Variants in GPHN observed in about 807,000 individuals in gnomAD.
The protein encoded by GPHN is gephyrin.
GPHN carries 17 observed loss-of-function variants against 95.5 expected under a neutral mutation model. That is an observed-to-expected ratio of 0.18 (90% confidence interval 0.12 to 0.27). The LOEUF (loss-of-function observed/expected upper bound fraction) is 0.27. Among genes scored for constraint, GPHN ranks in the 10% least tolerant of loss-of-function variants. The pLI is 1.00. For missense variants in GPHN, 660 were observed against 978.1 expected (o/e 0.67, Z 4.34); for synonymous variants, 320 against 322.5 (o/e 0.99, Z 0.08).
the GPHN span, among the ~76,000 whole-genome samples, chr14:67,331,841 A>G: frequency 6.6e-6 from 1 of 152,148 alleles, no homozygotes; most frequent in African/African-American, 2.4e-5. Context: ...TTTTAGCAAA[A>G]ATGTCAGTGT....
the GPHN span, among the ~76,000 whole-genome samples, chr14:67,297,438 TTG>T: frequency 8.5e-5 from 13 of 152,234 alleles, no homozygotes; most frequent in Non-Finnish European, 1.9e-4. Flanking sequence ...CTAGTTTTTT[TTG>T]TGTTTCTCAA....
At chr14:67,630,018 G>C in the GPHN span, among the ~76,000 whole-genome samples, 1 of 152,178 alleles carries the variant, frequency 6.6e-6, no homozygotes, top group African/African-American at 2.4e-5. Flanking sequence ...CTCGTTCTCA[G>C]TGTCTTCCTT....
At chr14:67,428,036 C>T in the GPHN span, among the ~76,000 whole-genome samples, 1 of 152,016 alleles carries the variant, frequency 6.6e-6, no homozygotes, top group Admixed American at 6.5e-5. Context: ...ATTCTCCTGC[C>T]TCAGCCTCCT....
chr14:67,360,244 G>C, the GPHN span: 2 of 399,540 alleles, frequency 5.0e-6, no homozygotes, highest in African/African-American at 2.1e-5. Flanking sequence ...ATTCGTCCTT[G>C]TTCTCGGAGG....
chr14:67,303,435 GT>G, the GPHN span: 2 of 1,050,982 alleles, frequency 1.9e-6, no homozygotes, highest in South Asian at 2.6e-5. Context: ...TTCTGAAATA[GT>G]CCAGTTTAGG....
At chr14:67,198,196 T>C in the GPHN span, 2 of 1,613,650 alleles carry the variant, frequency 1.2e-6, no homozygotes, top group East Asian at 2.2e-5. Context: ...ACCATGAGGA[T>C]CAATAAGCAA....
At chr14:66,621,877 A>C (rs2063321158) in intron 1 of GPHN, among the ~76,000 whole-genome samples, 2 of 152,078 alleles carry the variant, frequency 1.3e-5, no homozygotes, top group African/African-American at 4.8e-5. Flanking sequence ...TTCATTGGCT[A>C]GTAGTGACTG....
At chr14:66,811,314 G>T (rs1337698268) in intron 3 of GPHN, among the ~76,000 whole-genome samples, 1 of 151,884 alleles carries the variant, frequency 6.6e-6, no homozygotes, top group African/African-American at 2.4e-5. Context: ...AAAAAAGAAA[G>T]GATTTGTCAT....
At chr14:67,467,078 G>A in the GPHN span, 5 of 150,168 alleles carry the variant, frequency 3.3e-5, no homozygotes, top group Admixed American at 6.6e-5. Context: ...TGTGTGAAAA[G>A]TGTCTCTTCC....
chr14:67,503,515 A>C, the GPHN span: 1 of 152,222 alleles, frequency 6.6e-6, no homozygotes, highest in African/African-American at 2.4e-5. Context: ...CCATCCCTGC[A>C]TGCCACCTTC....
chr14:67,558,118 G>T, the GPHN span, among the ~76,000 whole-genome samples: 1 of 152,156 alleles, frequency 6.6e-6, no homozygotes, highest in Admixed American at 6.6e-5. Flanking sequence ...ACATCTACCT[G>T]CCAGTTCCTG....
At chr14:67,105,018 A>G (rs1007770855) in intron 13 of GPHN, among the ~76,000 whole-genome samples, 1 of 151,848 alleles carries the variant, frequency 6.6e-6, no homozygotes. Context: ...GCTGTATCCC[A>G]TAGGTTTTTG....
chr14:67,558,250 A>T, the GPHN span, among the ~76,000 whole-genome samples: 1 of 151,966 alleles, frequency 6.6e-6, no homozygotes, highest in Admixed American at 6.6e-5. Flanking sequence ...TTCCAACTAA[A>T]CACCCCACAG....
chr14:66,990,576 C>G (rs981033595), intron 9 of GPHN, among the ~76,000 whole-genome samples: 2 of 152,074 alleles, frequency 1.3e-5, no homozygotes, highest in African/African-American at 4.8e-5. Flanking sequence ...AAAATAATTA[C>G]TATTAGAGTA....
At chr14:67,205,773 T>C in the GPHN span, among the ~76,000 whole-genome samples, 1 of 152,170 alleles carries the variant, frequency 6.6e-6, no homozygotes, top group Non-Finnish European at 1.5e-5. Context: ...GTGACCGAAG[T>C]CTCCTGTGTA....
the GPHN span, among the ~76,000 whole-genome samples, chr14:67,190,502 C>T: frequency 2.6e-5 from 4 of 152,206 alleles, no homozygotes; most frequent in South Asian, 2.1e-4. Context: ...GGATTACAGG[C>T]GTGAGCCGTT....
At chr14:67,022,439 T>A (rs1036280150) in intron 9 of GPHN, among the ~76,000 whole-genome samples, 1 of 151,556 alleles carries the variant, frequency 6.6e-6, no homozygotes, top group Admixed American at 6.6e-5. Context: ...TAAAAGAATA[T>A]AAGAATATTA....
intron 10 of GPHN, among the ~76,000 whole-genome samples, chr14:67,037,777 T>TA (rs201402556): frequency 0.061 from 8,003 of 131,930 alleles, 216 homozygotes; most frequent in Non-Finnish European, 0.072. Flanking sequence ...GGATGACTAC[T>TA]AAAAAAAAAA....
At chr14:66,928,453 T>C (rs529705612) in intron 8 of GPHN, among the ~76,000 whole-genome samples, 1 of 152,266 alleles carries the variant, frequency 6.6e-6, no homozygotes, top group African/African-American at 2.4e-5. Context: ...ATTTTGTTTA[T>C]CTTTCTTAGA....
Sources: allele counts gnomAD v4.1 joint callset (sites outside exome capture counted in the v4.1 genomes callset), GRCh38; gene constraint gnomAD v4.1.1; transcripts MANE v1.5; gene names NCBI Gene and HGNC (gene_info 2026-07-23, HGNC 2026-07-21).